GSTO2: variants seen among roughly 807,000 people sequenced by gnomAD.
GSTO2 encodes glutathione S-transferase omega 2, also known as glutathione S-transferase omega-2.
A neutral mutation model predicts 28.4 loss-of-function variants in GSTO2; 23 were observed. The ratio of observed to expected loss-of-function variants is 0.81; its 90% CI spans 0.58 to 1.15. The LOEUF (loss-of-function observed/expected upper bound fraction) is 1.15. GSTO2 is among the 50% of genes most tolerant of loss of function. GSTO2 has a pLI of 0.00. For synonymous variants in GSTO2, 109 were observed against 111.0 expected, an observed-to-expected ratio of 0.98 and a Z score of 0.11; for missense variants, 298 against 297.8, an observed-to-expected ratio of 1.00 and a Z score of 0.00.
At chr10:104,274,635 C>A in intron 1 of GSTO2, 50 bp from the exon 2 acceptor site, 1 of 549,622 alleles carries the variant, frequency 1.8e-6, no homozygotes, top group South Asian at 2.3e-5. Flanking sequence ...ATGTCCAGAG[C>A]AAGGGGGAGC....
intron 5 of GSTO2, among the ~76,000 whole-genome samples, chr10:104,290,704 T>A (rs1275649654): frequency 6.6e-6 from 1 of 152,002 alleles, no homozygotes; most frequent in African/African-American, 2.4e-5. Flanking sequence ...ACAATTGAAC[T>A]CATGAACACA....
chr10:104,287,917 T>G (rs1394477922), intron 5 of GSTO2, among the ~76,000 whole-genome samples: 1 of 147,142 alleles, frequency 6.8e-6, no homozygotes, highest in Non-Finnish European at 1.5e-5. Flanking sequence ...GGACGGAGTC[T>G]CGCTCTGTCG....
In GSTO2 at chr10:104,301,784, G is replaced by T. The variant is rs1355869688; in HGVS notation, c.*2500G>T. 2 of 152,020 alleles carry T rather than the reference G, an allele frequency of 1.3e-5. No homozygotes were observed. The highest frequency in any genetic ancestry group is 1.3e-4 in the Admixed American group (2 of 15,244). 9.4% of individuals were successfully genotyped at this position (152,020 alleles called of 1,614,324 possible). ...AATAGAGATGGGGTTTCGCTATGTT[G>T]ACCAGGCTGGTCTTGAACTCCTGGC... is the stretch of plus-strand genomic sequence containing the variant. On this transcript the variant is annotated 3_prime_UTR_variant, in exon 7 of 7. Coordinates refer to ENST00000338595, the MANE Select transcript of GSTO2 (RefSeq NM_183239.2).
rs1331104607 is a variant in GSTO2 at position 104,290,063 on chromosome 10, C to T, written c.469-7515C>T. On this transcript the variant is annotated intron_variant, in intron 5 of 6. Coordinates refer to ENST00000338595, the MANE Select transcript of GSTO2 (RefSeq NM_183239.2). ...CTAAAAATTGAGCTACCATATGATC[C>T]AGCAATCCCACTGCTGGGTACACAC... Among the ~76,000 whole-genome samples the T allele has an allele frequency of 1.4e-4, 21 of 152,182 alleles. 1 individual carries two copies. The highest frequency in any genetic ancestry group is 3.1e-4 in the Non-Finnish European group (21 of 68,020).
At chr10:104,272,883 A>T (rs910787920) in intron 1 of GSTO2, among the ~76,000 whole-genome samples, 1 of 152,104 alleles carries the variant, frequency 6.6e-6, no homozygotes, top group African/African-American at 2.4e-5. Flanking sequence ...AAGTGCTGGG[A>T]TTACAGGCAT....
chr10:104,302,488 A>G lies in GSTO2; in HGVS notation c.*3204A>G, dbSNP rs1554904928. 6.6e-6 allele frequency: 1 copy of G among 152,392 alleles called. No homozygotes were observed. 9.4% of individuals were successfully genotyped at this position (152,392 alleles called of 1,614,324 possible). ...AGTCCAGTTACAATCTAACATGGCT[A>G]GGGGGAGGAGGGAGCATGATGGGGC... On this transcript the variant is annotated 3_prime_UTR_variant, in exon 7 of 7. Coordinates refer to ENST00000338595, the MANE Select transcript of GSTO2 (RefSeq NM_183239.2).
intron 5 of GSTO2, among the ~76,000 whole-genome samples, chr10:104,284,433 A>AT (rs1421489139): frequency 1.3e-5 from 2 of 152,158 alleles, no homozygotes; most frequent in Non-Finnish European, 2.9e-5. Flanking sequence ...TTTTTCTCTA[A>AT]TATCTTTTAC....
At chr10:104,285,119 T>C (rs1262184927) in intron 5 of GSTO2, among the ~76,000 whole-genome samples, 4 of 152,208 alleles carry the variant, frequency 2.6e-5, no homozygotes, top group Non-Finnish European at 5.9e-5. Flanking sequence ...GTTTCCCGCA[T>C]TGCCAAACTT....
intron 3 of GSTO2, among the ~76,000 whole-genome samples, chr10:104,276,657 G>A (rs1259280014): frequency 6.6e-6 from 1 of 152,180 alleles, no homozygotes; most frequent in Non-Finnish European, 1.5e-5. Flanking sequence ...GAGACCCACT[G>A]CTTTAGGTCT....
intron 5 of GSTO2, among the ~76,000 whole-genome samples, chr10:104,284,406 C>G (rs2012285861): frequency 6.6e-6 from 1 of 152,096 alleles, no homozygotes; most frequent in South Asian, 2.1e-4. Flanking sequence ...ATTTATTGTG[C>G]TTGTTATATA....
chr10:104,282,386 CT>C (rs1250601844), intron 5 of GSTO2, among the ~76,000 whole-genome samples: 1 of 151,846 alleles, frequency 6.6e-6, no homozygotes, highest in Non-Finnish European at 1.5e-5. Flanking sequence ...ACCTCCATCT[CT>C]TTAAAAAATA....
At chr10:104,286,175 C>T (rs2012410404) in intron 5 of GSTO2, among the ~76,000 whole-genome samples, 1 of 150,986 alleles carries the variant, frequency 6.6e-6, no homozygotes, top group Non-Finnish European at 1.5e-5. Context: ...GTGAGTTGTG[C>T]AACTATCACC....
chr10:104,286,312 T>A (rs959889223), intron 5 of GSTO2, among the ~76,000 whole-genome samples: 3 of 152,228 alleles, frequency 2.0e-5, no homozygotes, highest in Non-Finnish European at 4.4e-5. Flanking sequence ...TCTGTCTCTA[T>A]GGATTGACTT....
chr10:104,283,177 C>A (rs1251152221), intron 5 of GSTO2, among the ~76,000 whole-genome samples: 1 of 152,214 alleles, frequency 6.6e-6, no homozygotes, highest in Non-Finnish European at 1.5e-5. Flanking sequence ...AACTGAGCCC[C>A]AGGAACACTG....
chr10:104,275,671 C>A (rs111582920), intron 3 of GSTO2, among the ~76,000 whole-genome samples: 3,439 of 152,216 alleles, frequency 0.023, 129 homozygotes, highest in African/African-American at 0.078. Context: ...GGTAGTTCCC[C>A]CACCACACCC....
At chr10:104,293,585 T>TTTTTTTTTTTTTTTTTTTTTTG (rs2012885593) in intron 5 of GSTO2, among the ~76,000 whole-genome samples, 1 of 145,446 alleles carries the variant, frequency 6.9e-6, no homozygotes, top group Non-Finnish European at 1.5e-5. Flanking sequence ...TTTTTTTTTT[T>TTTTTTTTTTTTTTTTTTTTTTG]GCGACAAGGT....
Position 104,270,508 on chromosome 10 carries a change from T to C in GSTO2, c.-232+1239T>C, listed in dbSNP as rs2011344678. On this transcript the variant is annotated intron_variant, in intron 1 of 6. Transcript: ENST00000338595. ...ATATTTATTTAAAAAGTTTTTTTTT[T>C]CTTTGATTCCTCAAGTTGTAGAGAG... is the stretch of plus-strand genomic sequence containing the variant. Among the ~76,000 whole-genome samples, 2 of 151,956 alleles carry C rather than the reference T, an allele frequency of 1.3e-5. 1 individual carries two copies. Among genetic ancestry groups the C allele is most frequent in the South Asian group, 4.1e-4 (2 of 4,832 alleles).
chr10:104,282,199 C>G (rs1190357095), intron 5 of GSTO2, among the ~76,000 whole-genome samples: 7 of 141,478 alleles, frequency 4.9e-5, no homozygotes, highest in Non-Finnish European at 1.1e-4. Flanking sequence ...GCACTCCAGC[C>G]TGGGCAACAG....
Position 104,301,057 on chromosome 10 carries a change from C to T in GSTO2, c.*1773C>T, listed in dbSNP as rs955249024. ...GATGTGGAGCCCTGTTGCCATGGCA[C>T]CCTAGTTAATGCTGAGTGAGGTCTG... On this transcript the variant is annotated 3_prime_UTR_variant, in exon 7 of 7. Transcript: ENST00000338595. 2 of 152,220 alleles carry T rather than the reference C, an allele frequency of 1.3e-5. No homozygotes were observed. Among genetic ancestry groups the T allele is most frequent in the African/African-American group, 4.8e-5 (2 of 41,446 alleles). The allele number at this position is 152,220 out of a possible 1,614,324, so 9.4% of individuals were successfully genotyped here. A position where few individuals can be genotyped will look rare whatever the true frequency, so the allele number is the denominator to read the frequency against.
Sources: gnomAD v4.1 joint callset for allele counts (sites outside exome capture counted in the v4.1 genomes callset) on GRCh38, gnomAD v4.1.1 for gene constraint, MANE v1.5 for transcripts, NCBI Gene and HGNC (gene_info 2026-07-23, HGNC 2026-07-21) for gene names.